GLUD1: variants seen among roughly 807,000 people sequenced by gnomAD.
The protein encoded by GLUD1 is glutamate dehydrogenase 1, also known as glutamate dehydrogenase 1, mitochondrial.
Under a neutral mutation model 56.0 loss-of-function variants are expected in GLUD1, and 22 were observed. That is an observed-to-expected ratio of 0.39 (90% CI 0.28 to 0.56). The LOEUF is 0.56. GLUD1 is among the 20% of genes least tolerant of loss of function. The pLI is 0.58. For missense variants in GLUD1, 451 were observed against 732.0 expected (o/e 0.62, Z 4.43); for synonymous variants, 223 against 269.9 (o/e 0.83, Z 1.70).
At chr10:87,092,664 C>A (rs1344132670) in intron 1 of GLUD1, 4 of 958,136 alleles carry the variant, frequency 4.2e-6, no homozygotes, top group Non-Finnish European at 5.0e-6. Flanking sequence ...TCTGAAGAAT[C>A]GAAGAAAAAG....
chr10:87,077,813 A>G (rs1184158300), intron 1 of GLUD1, among the ~76,000 whole-genome samples: 5 of 152,058 alleles, frequency 3.3e-5, no homozygotes, highest in African/African-American at 1.2e-4. Flanking sequence ...AAGAAGCTGC[A>G]GCATTTTTTC....
chr10:87,090,805 T>C (rs558725744), intron 1 of GLUD1, among the ~76,000 whole-genome samples: 2 of 152,332 alleles, frequency 1.3e-5, no homozygotes, highest in African/African-American at 4.8e-5. Context: ...TTATTAAAAG[T>C]TACCTAAGTT....
intron 11 of GLUD1, among the ~76,000 whole-genome samples, chr10:87,055,295 G>A (rs1845740483): frequency 6.6e-6 from 1 of 152,156 alleles, no homozygotes; most frequent in Non-Finnish European, 1.5e-5. Flanking sequence ...CGGAATTTAA[G>A]TTAGATAAGG....
At chr10:87,075,340 T>C (rs760511523) in intron 3 of GLUD1, among the ~76,000 whole-genome samples, 15 of 152,138 alleles carry the variant, frequency 9.9e-5, no homozygotes, top group Non-Finnish European at 1.8e-4. Flanking sequence ...GGTATAAGTA[T>C]ATAAGTGAAG....
chr10:87,070,201 C>T (rs1379786323), intron 4 of GLUD1, among the ~76,000 whole-genome samples: 2 of 152,208 alleles, frequency 1.3e-5, no homozygotes, highest in African/African-American at 4.8e-5. Context: ...GCCTGTAATC[C>T]CAGCACTTTG....
intron 1 of GLUD1, among the ~76,000 whole-genome samples, chr10:87,083,017 G>A (rs1394115781): frequency 1.3e-5 from 2 of 152,196 alleles, no homozygotes; most frequent in African/African-American, 4.8e-5. Context: ...GAGCTGGGCA[G>A]ATCACTTGAG....
intron 5 of GLUD1, among the ~76,000 whole-genome samples, chr10:87,063,137 G>C (rs957817872): frequency 1.3e-5 from 2 of 151,494 alleles, no homozygotes; most frequent in African/African-American, 4.9e-5. Flanking sequence ...GCAATGGTGA[G>C]ATCTTGGCTC....
chr10:87,094,045 A>C lies in GLUD1; in HGVS notation c.445+280T>G, dbSNP rs759135038. ...TGACACAGACACCGGGACCAAAAGG[A>C]GACCGGTGCAGCGTCTACTCTGCAT... On this transcript the variant is annotated intron_variant, in intron 1 of 12. Transcript: ENST00000277865. This position sits in a 1 kb window ranked among gnomAD's most constrained non-coding sequence, Gnocchi z 6.6. 6 of 1,501,698 alleles carry C rather than the reference A, an allele frequency of 4.0e-6. No homozygotes were observed. Among genetic ancestry groups the C allele is most frequent in the Non-Finnish European group, 5.3e-6 (6 of 1,125,152 alleles). 93.0% of individuals were successfully genotyped at this position (1,501,698 alleles called of 1,614,324 possible). A position where few individuals can be genotyped will look rare whatever the true frequency, so the allele number is the denominator to read the frequency against.
At chr10:87,092,626 A>G in intron 1 of GLUD1, 4 of 981,778 alleles carry the variant, frequency 4.1e-6, no homozygotes, top group Non-Finnish European at 4.8e-6. Flanking sequence ...CGGAGCTGCG[A>G]CTTATAAAAA....
intron 1 of GLUD1, among the ~76,000 whole-genome samples, chr10:87,084,563 A>ACG (rs67013843): frequency 0.02 from 2 of 102 alleles, no homozygotes; most frequent in Non-Finnish European, 0.024. Context: ...TCAAAAGCAA[A>ACG]CACAAAAGCC....
Position 87,094,035 on chromosome 10 carries a change from G to A in GLUD1, c.445+290C>T. On this transcript the variant is annotated intron_variant, in intron 1 of 12. Coordinates refer to ENST00000277865, the MANE Select transcript of GLUD1 (RefSeq NM_005271.5). This position sits in a 1 kb window ranked among gnomAD's most constrained non-coding sequence, Gnocchi z 6.6. Reference sequence around the variant, plus strand: ...CCGCCGTGTGTGACACAGACACCGGGACCAAAAGGAGACCGGTGCAGCGTC... The same window carrying A: ...CCGCCGTGTGTGACACAGACACCGGAACCAAAAGGAGACCGGTGCAGCGTC... The A allele has an allele frequency of 3.3e-6, 5 of 1,493,622 alleles. No homozygotes were observed. The highest frequency in any genetic ancestry group is 3.6e-6 in the Non-Finnish European group (4 of 1,119,936). The allele number at this position is 1,493,622 out of a possible 1,614,324, so 92.5% of individuals were successfully genotyped here.
intron 1 of GLUD1, among the ~76,000 whole-genome samples, chr10:87,084,198 G>A (rs1216872046): frequency 2.0e-5 from 3 of 152,140 alleles, no homozygotes. Context: ...TACTACAATG[G>A]GAACTTTTAA....
intron 1 of GLUD1, among the ~76,000 whole-genome samples, chr10:87,082,346 C>T (rs1322069624): frequency 3.9e-5 from 6 of 152,184 alleles, no homozygotes; most frequent in Non-Finnish European, 7.3e-5. Flanking sequence ...AAGACATGTT[C>T]CGCTGGATGG....
chr10:87,072,900 A>G (rs1005697935), intron 4 of GLUD1, among the ~76,000 whole-genome samples: 1 of 152,200 alleles, frequency 6.6e-6, no homozygotes, highest in Non-Finnish European at 1.5e-5. Context: ...GCACTCCTAT[A>G]AAAGTGTGAG....
intron 1 of GLUD1, among the ~76,000 whole-genome samples, chr10:87,092,943 G>A (rs137982301): frequency 9.9e-5 from 15 of 152,244 alleles, no homozygotes; most frequent in East Asian, 1.9e-4. Context: ...GGAGACTGAC[G>A]GTGTGTACAT....
At chr10:87,082,282 A>C (rs1366710686) in intron 1 of GLUD1, among the ~76,000 whole-genome samples, 1 of 152,218 alleles carries the variant, frequency 6.6e-6, no homozygotes, top group Non-Finnish European at 1.5e-5. Flanking sequence ...CAAAATGTCC[A>C]TTTTATCATA....
At chr10:87,059,415 C>G in intron 9 of GLUD1, 142 bp from the exon 10 acceptor site, 1 of 804,690 alleles carries the variant, frequency 1.2e-6, no homozygotes, top group Admixed American at 1.9e-5. Flanking sequence ...TCAGGAATTT[C>G]ACACTTAATT....
intron 1 of GLUD1, among the ~76,000 whole-genome samples, chr10:87,081,649 CG>C (rs368056852): frequency 6.6e-6 from 1 of 152,104 alleles, no homozygotes; most frequent in Non-Finnish European, 1.5e-5. Flanking sequence ...GACCTTACCC[CG>C]CAACCCTGTG....
chr10:87,083,627 A>G (rs1417539928), intron 1 of GLUD1, among the ~76,000 whole-genome samples: 1 of 152,236 alleles, frequency 6.6e-6, no homozygotes, highest in South Asian at 2.1e-4. Context: ...CAGAAACTAG[A>G]AGGAGGAAGG....
Sources: gnomAD v4.1 joint callset for allele counts (sites outside exome capture counted in the v4.1 genomes callset) on GRCh38, gnomAD v4.1.1 for gene constraint, Gnocchi (gnomAD v3.1) non-coding constraint, MANE v1.5 for transcripts, NCBI Gene and HGNC (gene_info 2026-07-23, HGNC 2026-07-21) for gene names.